Variants in CHST9 observed in about 807,000 individuals in gnomAD.
The protein encoded by CHST9 is carbohydrate sulfotransferase 9, also known as GalNAc-4-sulfotransferase 2.
In CHST9, 41 loss-of-function variants were observed where a neutral mutation model predicts 44.4. That is an observed-to-expected ratio of 0.92 (90% confidence interval 0.72 to 1.20). CHST9 has a LOEUF of 1.20. Among genes scored for constraint, CHST9 ranks in the 50% most tolerant of loss-of-function variants. The pLI is 0.00. For missense variants in CHST9, 504 were observed against 516.5 expected, an observed-to-expected ratio of 0.98 and a Z score of 0.23; for synonymous variants, 171 against 178.4, an observed-to-expected ratio of 0.96 and a Z score of 0.33.
intron 2 of CHST9, among the ~76,000 whole-genome samples, chr18:27,107,907 G>T (rs1446019236): frequency 6.6e-6 from 1 of 152,170 alleles, no homozygotes; most frequent in Non-Finnish European, 1.5e-5. Flanking sequence ...TCCCCATCAT[G>T]TGCATTTCTG....
At chr18:27,053,143 GAAGAAGAAGAA>G (rs1568150839) in intron 2 of CHST9, among the ~76,000 whole-genome samples, 20 of 128,688 alleles carry the variant, frequency 1.6e-4, no homozygotes, top group Non-Finnish European at 2.4e-4. Context: ...AGAAGAAGAA[GAAGAAGAAGAA>G]GAAGAAGAAG....
At chr18:27,068,929 C>T (rs1035095096) in intron 2 of CHST9, among the ~76,000 whole-genome samples, 1 of 152,164 alleles carries the variant, frequency 6.6e-6, no homozygotes, top group Non-Finnish European at 1.5e-5. Context: ...TTTTCTAGGA[C>T]ATGAAGGTTT....
intron 4 of CHST9, among the ~76,000 whole-genome samples, chr18:26,969,131 T>C (rs550952430): frequency 5.9e-5 from 9 of 152,132 alleles, no homozygotes; most frequent in African/African-American, 2.2e-4. Flanking sequence ...CCCAAGTAGT[T>C]GGGACTACAG....
intron 2 of CHST9, among the ~76,000 whole-genome samples, chr18:27,091,328 G>C (rs546980215): frequency 6.6e-6 from 1 of 152,280 alleles, no homozygotes; most frequent in Non-Finnish European, 1.5e-5. Flanking sequence ...TTGCTTATCA[G>C]CTTAAGGAGA....
intron 4 of CHST9, among the ~76,000 whole-genome samples, chr18:26,997,345 A>T (rs1354552634): frequency 6.6e-6 from 1 of 152,232 alleles, no homozygotes; most frequent in Non-Finnish European, 1.5e-5. Flanking sequence ...CTCCAGTAAT[A>T]TCTATATTAT....
Position 26,910,321 on chromosome 18 carries a change from AT to A in CHST9, c.*5937del, listed in dbSNP as rs529746079. On this transcript the variant is annotated 3_prime_UTR_variant, in exon 6 of 6. Transcript: ENST00000618847. ...CAAGGATATGGAAACCCGGAATGGGATAACCTCACTACCTGCACAACACAAA... is the reference window on the plus strand; with the variant it reads ...CAAGGATATGGAAACCCGGAATGGGAAACCTCACTACCTGCACAACACAAA... 23 of 43,734 alleles carry A rather than the reference AT, an allele frequency of 5.3e-4. No individual in the cohort carries two copies. Among genetic ancestry groups the A allele is most frequent in the African/African-American group, 2.5e-3 (22 of 8,718 alleles). The allele number at this position is 43,734 out of a possible 1,614,324, so 2.7% of individuals were successfully genotyped here.
chr18:26,920,435 CT>C (rs2055627566), intron 5 of CHST9, among the ~76,000 whole-genome samples: 1 of 152,056 alleles, frequency 6.6e-6, no homozygotes, highest in African/African-American at 2.4e-5. Context: ...CAGAACCCTG[CT>C]TATTTTTCTC....
At chr18:27,075,659 A>G (rs2057895720) in intron 2 of CHST9, among the ~76,000 whole-genome samples, 1 of 152,208 alleles carries the variant, frequency 6.6e-6, no homozygotes, top group African/African-American at 2.4e-5. Flanking sequence ...GCCAGCATCA[A>G]TTACCTACAA....
chr18:27,160,569 CTCTT>C (rs920014670), intron 1 of CHST9, among the ~76,000 whole-genome samples: 9 of 152,110 alleles, frequency 5.9e-5, no homozygotes, highest in African/African-American at 2.2e-4. Context: ...GTCCAAAATT[CTCTT>C]TTTTTGTTGT....
intron 2 of CHST9, among the ~76,000 whole-genome samples, chr18:27,052,306 ATG>A (rs2057577923): frequency 6.9e-6 from 1 of 144,022 alleles, no homozygotes; most frequent in South Asian, 2.2e-4. Context: ...ATATGTATAT[ATG>A]TGTGTATATA....
intron 5 of CHST9, among the ~76,000 whole-genome samples, chr18:26,929,853 C>A (rs1187664452): frequency 6.6e-6 from 1 of 152,146 alleles, no homozygotes; most frequent in Non-Finnish European, 1.5e-5. Context: ...AAGCTGGGGG[C>A]TATGACGTAA....
At chr18:27,105,657 A>G (rs1023282575) in intron 2 of CHST9, among the ~76,000 whole-genome samples, 2 of 152,160 alleles carry the variant, frequency 1.3e-5, no homozygotes, top group Admixed American at 6.5e-5. Context: ...TGAATATGGA[A>G]GTTCTCTTTT....
intron 4 of CHST9, among the ~76,000 whole-genome samples, chr18:26,979,033 T>A (rs555953045): frequency 1.1e-4 from 16 of 151,886 alleles, no homozygotes; most frequent in Non-Finnish European, 2.1e-4. Flanking sequence ...ATTTTATTTT[T>A]TTTAAAGATT....
intron 1 of CHST9, among the ~76,000 whole-genome samples, chr18:27,181,189 A>C (rs151099843): frequency 0.01 from 1,552 of 152,316 alleles, 83 homozygotes; most frequent in Admixed American, 0.085. Flanking sequence ...GAGGTTTTCT[A>C]AATTCTAACA....
chr18:27,162,343 G>A lies in CHST9; in HGVS notation c.-96-19438C>T, dbSNP rs1028373200. Among the ~76,000 whole-genome samples, 3 of 151,846 alleles carry A rather than the reference G, an allele frequency of 2.0e-5. No individual in the cohort carries two copies. The East Asian group carries it at 5.8e-4, about 29-fold the overall frequency. Reference sequence around the variant, plus strand: ...TCTCAGCATTTGCTTGTCTGTAAAGGATTTTATTTCTCCTTCACTTATGAA... The same window carrying A: ...TCTCAGCATTTGCTTGTCTGTAAAGAATTTTATTTCTCCTTCACTTATGAA... On this transcript the variant is annotated intron_variant, in intron 1 of 5. Transcript: ENST00000618847.
At chr18:27,003,704 G>C (rs949492985) in intron 4 of CHST9, among the ~76,000 whole-genome samples, 2 of 151,948 alleles carry the variant, frequency 1.3e-5, no homozygotes, top group African/African-American at 4.8e-5. Flanking sequence ...TGGTGGATTT[G>C]GAAAAGAAAA....
chr18:27,144,861 C>T (rs1410124676), intron 1 of CHST9, among the ~76,000 whole-genome samples: 2 of 151,938 alleles, frequency 1.3e-5, no homozygotes, highest in Non-Finnish European at 2.9e-5. Context: ...TCCTGTCAAC[C>T]CTGCGTTTCT....
intron 4 of CHST9, among the ~76,000 whole-genome samples, chr18:26,971,385 A>C (rs1282511372): frequency 6.6e-6 from 1 of 152,266 alleles, no homozygotes; most frequent in East Asian, 1.9e-4. Context: ...TATGGAGCAT[A>C]TGCTGTGCAC....
intron 5 of CHST9, chr18:26,935,360 T>A (rs2145096555): frequency 6.6e-6 from 1 of 152,340 alleles, no homozygotes; most frequent in South Asian, 2.1e-4. Context: ...AAATTGTAAC[T>A]TTTATATTAA....
Sources: allele counts gnomAD v4.1 joint callset (sites outside exome capture counted in the v4.1 genomes callset), GRCh38; gene constraint gnomAD v4.1.1; transcripts MANE v1.5; gene names NCBI Gene and HGNC (gene_info 2026-07-23, HGNC 2026-07-21).